The following IBTK variants were observed in gnomAD, a reference collection of about 807,000 sequenced individuals.
IBTK encodes inhibitor of Bruton tyrosine kinase.
Under a neutral mutation model 154.9 loss-of-function variants are expected in IBTK, and 83 were observed. The observed-to-expected ratio is 0.54, with a 90% CI of 0.45 to 0.64. The LOEUF is 0.64. Among genes scored for constraint, IBTK ranks in the 30% least tolerant of loss-of-function variants. IBTK has a pLI of 0.00. For missense variants in IBTK, 1,332 were observed against 1,584.6 expected, an observed-to-expected ratio of 0.84 and a Z score of 2.71; for synonymous variants, 515 against 536.1, an observed-to-expected ratio of 0.96 and a Z score of 0.54.
rs957366201 is a variant in IBTK at position 82,216,158 on chromosome 6, T to A, written c.1519A>T (p.Thr507Ser). The A allele has an allele frequency of 1.2e-6, 2 of 1,613,460 alleles. No individual in the cohort carries two copies. Among genetic ancestry groups the A allele is most frequent in the African/African-American group, 2.7e-5 (2 of 74,908 alleles). ...ACACTAACAGCTCTATGTGCAAAGG[T>A]AAGTTTCTCAAGTCGAATTCTTTCA... is the stretch of plus-strand genomic sequence containing the variant. ...VYERIRLEKL[T>S]FAHRAVSVST... The change falls in exon 11 of 29, where the codon ACC becomes TCC. Residue 507 changes from threonine to serine, a missense_variant. This residue lies in a region of IBTK where 1,134 missense variants were observed against 1,274.7 expected (regional missense o/e 0.89). Transcript: ENST00000306270.
At chr6:82,240,062 G>A (rs930635864) in intron 2 of IBTK, 104 bp downstream of exon 2, 2 of 926,162 alleles carry the variant, frequency 2.2e-6, no homozygotes, top group Non-Finnish European at 3.2e-6. Context: ...AAACAAGCAA[G>A]AAAAAATGCA....
chr6:82,225,363 TA>T, intron 6 of IBTK, 113 bp downstream of exon 6: 1 of 685,384 alleles, frequency 1.5e-6, no homozygotes, highest in Non-Finnish European at 2.4e-6. Context: ...CCACTGAAGA[TA>T]AAGTTAAATA....
Position 82,214,880 on chromosome 6 carries a change from C to T in IBTK, c.1602-51G>A, listed in dbSNP as rs1027292945. 5 of 1,495,874 alleles carry T rather than the reference C, an allele frequency of 3.3e-6. No homozygotes were observed. In the African/African-American group the frequency reaches 7.0e-5, roughly 21 times the overall value. The allele number at this position is 1,495,874 out of a possible 1,614,324, so 92.7% of individuals were successfully genotyped here. A position where few individuals can be genotyped will look rare whatever the true frequency, so the allele number is the denominator to read the frequency against. On this transcript the variant is annotated intron_variant, in intron 11 of 28. Coordinates refer to ENST00000306270, the MANE Select transcript of IBTK (RefSeq NM_015525.4). Reference sequence around the variant, plus strand: ...TGCTTCAAAAAATATGAAGGAAATCCTTTTTCATACCTAGCCAATTCTCCT... The same window carrying T: ...TGCTTCAAAAAATATGAAGGAAATCTTTTTTCATACCTAGCCAATTCTCCT...
At chr6:82,211,643 G>T in intron 13 of IBTK, 71 bp from the exon 14 acceptor site, 1 of 1,275,230 alleles carries the variant, frequency 7.8e-7, no homozygotes, top group Non-Finnish European at 1.1e-6. Context: ...TATAGGATTT[G>T]GCTTAACTTT....
rs1043954773 is a variant in IBTK, at chr6:82,170,661, A to G, written c.*764T>C. ...TTCAGAAATTTTAACACTTTCAGCA[A>G]TTGATTCTCTCACAATTAGGCATTT... On this transcript the variant is annotated 3_prime_UTR_variant, in exon 29 of 29. Coordinates refer to ENST00000306270, the MANE Select transcript of IBTK (RefSeq NM_015525.4). 2 of 152,184 alleles carry G rather than the reference A, an allele frequency of 1.3e-5. No homozygotes were observed. The highest frequency in any genetic ancestry group is 6.6e-5 in the Admixed American group (1 of 15,266). The allele number at this position is 152,184 out of a possible 1,614,324, so 9.4% of individuals were successfully genotyped here. A position where few individuals can be genotyped will look rare whatever the true frequency, so the allele number is the denominator to read the frequency against.
intron 6 of IBTK, 115 bp downstream of exon 6, chr6:82,225,362 A>G (rs1300876853): frequency 1.5e-6 from 1 of 678,440 alleles, no homozygotes; most frequent in Admixed American, 3.2e-5. Flanking sequence ...ACCACTGAAG[A>G]TAAAGTTAAA....
chr6:82,227,349 TCC>T, intron 4 of IBTK, 47 bp from the exon 5 acceptor site: 1 of 1,092,316 alleles, frequency 9.2e-7, no homozygotes, highest in Non-Finnish European at 1.3e-6. Flanking sequence ...GAATAAAATA[TCC>T]TTTATTTTAT....
intron 2 of IBTK, among the ~76,000 whole-genome samples, chr6:82,237,314 C>G (rs1222274774): frequency 6.6e-6 from 1 of 151,318 alleles, no homozygotes; most frequent in Admixed American, 6.6e-5. Context: ...GATGCTTTAA[C>G]TCTTACTAAC....
At position 82,217,953 on chromosome 6, in the gene IBTK, A is replaced by C. The variant is rs1769932275; in HGVS notation, c.1426+7T>G. The C allele has an allele frequency of 6.3e-7, 1 of 1,578,044 alleles. No individual in the cohort carries two copies. Among genetic ancestry groups the C allele is most frequent in the African/African-American group, 1.4e-5 (1 of 73,350 alleles). Reference sequence around the variant, plus strand: ...ACTTTTACGTATTGTTCAATATATGAACTGACCTTTCTTTTCAGAACTCTT... The same window carrying C: ...ACTTTTACGTATTGTTCAATATATGCACTGACCTTTCTTTTCAGAACTCTT... On this transcript the variant is annotated splice_region_variant and intron_variant, in intron 10 of 28. Transcript: ENST00000306270.
intron 1 of IBTK, among the ~76,000 whole-genome samples, chr6:82,245,624 G>T (rs1177148312): frequency 6.6e-6 from 1 of 152,002 alleles, no homozygotes; most frequent in Non-Finnish European, 1.5e-5. Context: ...GAAGCAGAAG[G>T]GATAGTAAAT....
intron 4 of IBTK, among the ~76,000 whole-genome samples, chr6:82,227,985 C>A (rs143129050): frequency 6.6e-6 from 1 of 151,966 alleles, no homozygotes; most frequent in South Asian, 2.1e-4. Context: ...GACAAAGATA[C>A]TGAAACAGTT....
chr6:82,204,885 C>G lies in IBTK; in HGVS notation c.2583G>C (p.Glu861Asp), dbSNP rs1769339404. The G allele has an allele frequency of 6.2e-7, 1 of 1,605,474 alleles. No individual in the cohort carries two copies. The highest frequency in any genetic ancestry group is 1.3e-5 in the African/African-American group (1 of 74,600). Residue 861 changes from glutamate to aspartate, a missense_variant, in exon 17 of 29, where the codon GAG becomes GAC. By Grantham distance (45) the Glu-to-Asp change is conservative. This residue lies in a region of IBTK where 1,134 missense variants were observed against 1,274.7 expected (regional missense o/e 0.89). Transcript: ENST00000306270. ...TTTCAGTTAATGCTACTTCACAAAT[C>G]TCTTTCAACCGGGTTATGAGAAGTT... ...ADQLLITRLKEICEVALTEKL... is the reference protein window; with the variant it reads ...ADQLLITRLKDICEVALTEKL...
chr6:82,208,041 T>A (rs1360329845), intron 16 of IBTK, among the ~76,000 whole-genome samples: 1 of 151,164 alleles, frequency 6.6e-6, no homozygotes, highest in African/African-American at 2.4e-5. Flanking sequence ...AGACCTTATA[T>A]ACAGCATGGC....
chr6:82,238,762 A>G (rs777616589), intron 2 of IBTK, among the ~76,000 whole-genome samples: 1 of 151,856 alleles, frequency 6.6e-6, no homozygotes, highest in South Asian at 2.1e-4. Context: ...TTTTTGAGAC[A>G]GAGTCTCACT....
At chr6:82,181,824 C>T (rs1223648795) in intron 26 of IBTK, 55 bp downstream of exon 26, 3 of 1,247,932 alleles carry the variant, frequency 2.4e-6, no homozygotes, top group African/African-American at 3.1e-5. Context: ...AACATAAAAC[C>T]ACCACAGAAT....
At chr6:82,175,000 A>ATTTT (rs1768057868) in intron 26 of IBTK, 1 of 456,004 alleles carries the variant, frequency 2.2e-6, no homozygotes, top group Non-Finnish European at 4.4e-6. Flanking sequence ...TCCTCCTACA[A>ATTTT]AACTTCAATC....
intron 16 of IBTK, among the ~76,000 whole-genome samples, chr6:82,207,483 TTTAAATA>T (rs1271891251): frequency 7.9e-5 from 12 of 152,282 alleles, no homozygotes; most frequent in South Asian, 2.1e-4. Flanking sequence ...GATTATAAGA[TTTAAATA>T]TTAAAATGAC....
At chr6:82,238,895 C>T (rs1004791520) in intron 2 of IBTK, among the ~76,000 whole-genome samples, 1 of 151,864 alleles carries the variant, frequency 6.6e-6, no homozygotes, top group South Asian at 2.1e-4. Context: ...CACGCCACTA[C>T]ACCTGGCTAA....
At chr6:82,185,388 C>T (rs1298715498) in intron 25 of IBTK, among the ~76,000 whole-genome samples, 1 of 150,886 alleles carries the variant, frequency 6.6e-6, no homozygotes, top group Non-Finnish European at 1.5e-5. Context: ...AGACCCATCT[C>T]TACAACAAAT....
Sources: gnomAD v4.1 joint callset for allele counts (sites outside exome capture counted in the v4.1 genomes callset) on GRCh38, gnomAD v4.1.1 for gene constraint, gnomAD v4.1.1 regional missense constraint, MANE v1.5 for transcripts, NCBI Gene and HGNC (gene_info 2026-07-23, HGNC 2026-07-21) for gene names.